RBFOX1: variants seen among roughly 807,000 people sequenced by gnomAD.
RBFOX1 encodes the protein RNA binding protein fox-1 homolog 1.
RBFOX1 carries 8 observed loss-of-function variants against 57.7 expected under a neutral mutation model. That is an observed-to-expected ratio of 0.14 (90% CI 0.08 to 0.25). The LOEUF is 0.25. Ranked by LOEUF, RBFOX1 falls within the 10% of genes least tolerant of loss-of-function variation. RBFOX1 has a pLI of 1.00. For synonymous variants in RBFOX1, 326 were observed against 222.4 expected (o/e 1.47, Z -4.15); for missense variants, 611 against 548.5 (o/e 1.11, Z -1.14).
intron 3 of RBFOX1, among the ~76,000 whole-genome samples, chr16:6,732,710 C>G (rs546621880): frequency 6.6e-6 from 1 of 152,234 alleles, no homozygotes; most frequent in African/African-American, 2.4e-5. Context: ...GCCTAAAGCA[C>G]ATAAGCCTGA....
At chr16:5,502,177 G>C (rs2043220532) in intron 2 of RBFOX1, among the ~76,000 whole-genome samples, 1 of 152,156 alleles carries the variant, frequency 6.6e-6, no homozygotes, top group Non-Finnish European at 1.5e-5. Context: ...CCTAGAGTAG[G>C]GGGTGAATGA....
At position 5,970,616 on chromosome 16, in the gene RBFOX1, C is replaced by G. The variant is rs185990573; in HGVS notation, c.351+103281C>G. ...GTCTGTAGAGAAGACAGACTGTGGG[C>G]CGACCAAGTCAAATTAGCACCTGCC... On this transcript the variant is annotated intron_variant, in intron 4 of 19. Coordinates refer to the RBFOX1 transcript ENST00000641259. Among the ~76,000 whole-genome samples the G allele has an allele frequency of 3.3e-3, 508 of 152,230 alleles. 5 individuals are homozygous for G. Among genetic ancestry groups the G allele is most frequent in the Non-Finnish European group, 5.4e-3 (366 of 68,018 alleles).
chr16:5,546,043 AAATT>A (rs966627638), intron 2 of RBFOX1, among the ~76,000 whole-genome samples: 48 of 152,184 alleles, frequency 3.2e-4, no homozygotes, highest in African/African-American at 8.7e-4. Flanking sequence ...AAAGAACTGA[AAATT>A]AAAGTAAAAA....
chr16:7,493,937 A>G (rs1026015221), intron 4 of RBFOX1, among the ~76,000 whole-genome samples: 3 of 152,234 alleles, frequency 2.0e-5, no homozygotes, highest in Admixed American at 6.5e-5. Context: ...ATAATTTTGC[A>G]TTCTCAAATA....
chr16:6,981,042 C>CAAAAA lies in RBFOX1; in HGVS notation c.-15-71002_-15-70998dup, dbSNP rs36117809. ...TGGGTGGCAGAGCAAGTCTCAGTCT[C>CAAAAA]AAAAAAAAAAAAAAAAACACTAAAA... On this transcript the variant is annotated intron_variant, in intron 3 of 15. Coordinates refer to ENST00000550418, the MANE Select transcript of RBFOX1 (RefSeq NM_018723.4). Among the ~76,000 whole-genome samples the CAAAAA allele has an allele frequency of 1.0e-3, 79 of 77,368 alleles. 2 individuals are homozygous for CAAAAA. Among genetic ancestry groups the CAAAAA allele is most frequent in the South Asian group, 2.3e-3 (4 of 1,718 alleles). The allele number at this position is 77,368 out of a possible 152,430, so 50.8% of individuals were successfully genotyped here. A position where few individuals can be genotyped will look rare whatever the true frequency, so the allele number is the denominator to read the frequency against.
intron 3 of RBFOX1, among the ~76,000 whole-genome samples, chr16:6,835,434 C>T (rs374132534): frequency 6.6e-6 from 1 of 152,086 alleles, no homozygotes; most frequent in Non-Finnish European, 1.5e-5. Context: ...ACTTCCAAAT[C>T]TCAGTGCCTT....
chr16:5,292,629 GATTT>G (rs35285859), intron 1 of RBFOX1, among the ~76,000 whole-genome samples: 2 of 150,306 alleles, frequency 1.3e-5, no homozygotes, highest in East Asian at 2.0e-4. Flanking sequence ...ATATCAGAGG[GATTT>G]ATTTATTTAT....
chr16:6,933,629 C>G (rs2076913567), intron 3 of RBFOX1, among the ~76,000 whole-genome samples: 1 of 152,228 alleles, frequency 6.6e-6, no homozygotes, highest in South Asian at 2.1e-4. Flanking sequence ...AGAAGAATTA[C>G]TTGAACCTGG....
Position 6,671,909 on chromosome 16 carries a change from A to G in RBFOX1, c.-16+17259A>G, listed in dbSNP as rs934914488. 2.0e-5 allele frequency among the ~76,000 whole-genome samples: 3 copies of G among 152,366 alleles called. No homozygotes were observed. In the East Asian group the frequency reaches 5.8e-4, roughly 29 times the overall value. On this transcript the variant is annotated intron_variant, in intron 3 of 15. Transcript: ENST00000550418. ...ATTCACACTGCCTTTTCACACGCCA[A>G]GTTGCCTTTAAAAACTGTTGCGACT...
chr16:7,039,618 G>A (rs1465046399), intron 3 of RBFOX1, among the ~76,000 whole-genome samples: 1 of 152,084 alleles, frequency 6.6e-6, no homozygotes, highest in Non-Finnish European at 1.5e-5. Context: ...AGTAACAACC[G>A]CCATGACCGG....
In RBFOX1 at chr16:6,887,758, G is replaced by T. The variant is rs1308022166; in HGVS notation, c.-15-164299G>T. 2.6e-5 allele frequency among the ~76,000 whole-genome samples: 4 copies of T among 151,952 alleles called. No homozygotes were observed. In the South Asian group the frequency reaches 8.3e-4, roughly 32 times the overall value. Reference sequence around the variant, plus strand: ...GCTTACTGCAACCTCTGCCTCCCAGGTTCAAGTGATTCTCCAGCCTCAGCC... The same window carrying T: ...GCTTACTGCAACCTCTGCCTCCCAGTTTCAAGTGATTCTCCAGCCTCAGCC... On this transcript the variant is annotated intron_variant, in intron 3 of 15. Coordinates refer to ENST00000550418, the MANE Select transcript of RBFOX1 (RefSeq NM_018723.4).
chr16:7,548,447 C>T (rs1345166880), intron 5 of RBFOX1, among the ~76,000 whole-genome samples: 2 of 152,306 alleles, frequency 1.3e-5, no homozygotes, highest in African/African-American at 2.4e-5. Context: ...TGAGCCACTG[C>T]GCCTGGCCTC....
intron 4 of RBFOX1, among the ~76,000 whole-genome samples, chr16:7,262,701 A>T (rs1376495872): frequency 6.6e-6 from 1 of 152,260 alleles, no homozygotes; most frequent in Non-Finnish European, 1.5e-5. Context: ...AATAATCAGC[A>T]GGTGTCTTGG....
intron 4 of RBFOX1, among the ~76,000 whole-genome samples, chr16:5,907,619 C>G (rs1305793810): frequency 3.3e-5 from 5 of 152,152 alleles, no homozygotes; most frequent in African/African-American, 1.2e-4. Flanking sequence ...CGTAACAACC[C>G]CTGAGTAGGA....
At chr16:6,348,560 G>T (rs979815280) in intron 2 of RBFOX1, among the ~76,000 whole-genome samples, 1 of 152,102 alleles carries the variant, frequency 6.6e-6, no homozygotes, top group East Asian at 1.9e-4. Context: ...TTGGATCATG[G>T]TTCTGCACGC....
intron 2 of RBFOX1, among the ~76,000 whole-genome samples, chr16:5,521,497 C>T (rs556845360): frequency 2.1e-5 from 3 of 143,816 alleles, no homozygotes; most frequent in Admixed American, 7.2e-5. Context: ...CTCATTGACC[C>T]GAACCTGTCA....
chr16:5,729,633 C>T (rs2052288631), intron 3 of RBFOX1, among the ~76,000 whole-genome samples: 1 of 152,076 alleles, frequency 6.6e-6, no homozygotes, highest in African/African-American at 2.4e-5. Context: ...TGTATCTCTT[C>T]CACTAAAGGT....
chr16:7,540,926 T>G (rs1601350748), intron 5 of RBFOX1, among the ~76,000 whole-genome samples: 1 of 152,198 alleles, frequency 6.6e-6, no homozygotes, highest in African/African-American at 2.4e-5. Context: ...CTAAAACCTG[T>G]GTCTTCTAGG....
At chr16:5,281,722 A>G (rs1357787729) in intron 1 of RBFOX1, among the ~76,000 whole-genome samples, 1 of 152,070 alleles carries the variant, frequency 6.6e-6, no homozygotes, top group African/African-American at 2.4e-5. Flanking sequence ...AGTCTGTTTT[A>G]TCTGATGTAA....
Sources: gnomAD v4.1 joint callset for allele counts (sites outside exome capture counted in the v4.1 genomes callset) on GRCh38, gnomAD v4.1.1 for gene constraint, MANE v1.5 for transcripts, NCBI Gene and HGNC (gene_info 2026-07-23, HGNC 2026-07-21) for gene names.